The following SORBS2 variants were observed in gnomAD, a reference collection of about 807,000 sequenced individuals.
The protein encoded by SORBS2 is sorbin and SH3 domain containing 2.
In SORBS2, 46 loss-of-function variants were observed where a neutral mutation model predicts 97.7. The observed-to-expected ratio is 0.47, with a 90% CI of 0.37 to 0.60. SORBS2 has a LOEUF of 0.60. Among genes scored for constraint, SORBS2 ranks in the 20% least tolerant of loss-of-function variants. The pLI, the probability that SORBS2 is intolerant of heterozygous loss-of-function variation, is 0.00. For missense variants in SORBS2, 1,316 were observed against 1,282.3 expected, an observed-to-expected ratio of 1.03 and a Z score of -0.40; for synonymous variants, 476 against 473.4, an observed-to-expected ratio of 1.01 and a Z score of -0.07.
intron 1 of SORBS2, among the ~76,000 whole-genome samples, chr4:185,824,339 TTTCTC>T (rs1307238660): frequency 1.3e-5 from 2 of 152,114 alleles, no homozygotes; most frequent in Admixed American, 6.5e-5. Flanking sequence ...TGTGTACAGA[TTTCTC>T]TTTTCTTATA....
chr4:185,743,932 C>T (rs962162480), intron 2 of SORBS2, among the ~76,000 whole-genome samples: 7 of 149,008 alleles, frequency 4.7e-5, no homozygotes, highest in Non-Finnish European at 7.4e-5. Context: ...CTTTCCTCCT[C>T]CTCCTCTTTC....
intron 2 of SORBS2, among the ~76,000 whole-genome samples, chr4:185,739,450 T>C (rs980663832): frequency 6.6e-6 from 1 of 152,232 alleles, no homozygotes; most frequent in African/African-American, 2.4e-5. Flanking sequence ...CATGTATTTG[T>C]TATTGATATT....
chr4:185,623,689 C>G lies in SORBS2; in HGVS notation c.1440G>C (p.Leu480=). Residue 480 remains leucine (L), a synonymous_variant, in exon 7 of 15, where the codon CTG becomes CTC. Transcript: ENST00000418609. The surrounding 1 kb of genome is among the most constrained non-coding windows in gnomAD (Gnocchi z 6.4). Reference sequence around the variant, plus strand: ...TGGTGACTTCAATGTGAATGGGCACCAGGGCGTTAGACTGGCAGCCTCGCC... The same window carrying G: ...TGGTGACTTCAATGTGAATGGGCACGAGGGCGTTAGACTGGCAGCCTCGCC... 4 of 1,614,010 alleles carry G rather than the reference C, an allele frequency of 2.5e-6. No homozygotes were observed. The highest frequency in any genetic ancestry group is 3.4e-6 in the Non-Finnish European group (4 of 1,180,012).
chr4:185,831,284 C>A (rs778815210), intron 1 of SORBS2, among the ~76,000 whole-genome samples: 1 of 152,112 alleles, frequency 6.6e-6, no homozygotes, highest in African/African-American at 2.4e-5. Context: ...AGAAGAAGAG[C>A]GGGTAGGTGG....
At chr4:185,719,766 T>A (rs1290812154) in intron 2 of SORBS2, among the ~76,000 whole-genome samples, 1 of 152,244 alleles carries the variant, frequency 6.6e-6, no homozygotes, top group Non-Finnish European at 1.5e-5. Context: ...TAGGAATTCT[T>A]CTTGCCTGTA....
intron 1 of SORBS2, among the ~76,000 whole-genome samples, chr4:185,893,798 C>T (rs944932987): frequency 2.3e-4 from 35 of 152,118 alleles, no homozygotes; most frequent in African/African-American, 7.5e-4. Flanking sequence ...GGTGAGCAAA[C>T]GGTGTCTTGT....
intron 2 of SORBS2, among the ~76,000 whole-genome samples, chr4:185,768,449 T>G (rs1292082011): frequency 6.6e-6 from 1 of 152,106 alleles, no homozygotes; most frequent in Non-Finnish European, 1.5e-5. Flanking sequence ...CCCAGCATCT[T>G]GGAAGGCCGA....
intron 1 of SORBS2, among the ~76,000 whole-genome samples, chr4:185,841,193 T>C (rs1328315683): frequency 6.6e-6 from 1 of 151,798 alleles, no homozygotes; most frequent in Non-Finnish European, 1.5e-5. Context: ...CATTGATGAC[T>C]CTAAGCTGGG....
At position 185,623,349 on chromosome 4, in the gene SORBS2, T is replaced by C. The variant is rs2096749610; in HGVS notation, c.1780A>G (p.Met594Val). The C allele has an allele frequency of 6.2e-7, 1 of 1,613,930 alleles. No homozygotes were observed. The highest frequency in any genetic ancestry group is 8.5e-7 in the Non-Finnish European group (1 of 1,180,022). ...GCAAGTTTAGAAAGGCCAGGGTCCA[T>C]TTCTTGCCTTCTGGGCTCCTCGGTG... is the stretch of plus-strand genomic sequence containing the variant. Residue 594 changes from methionine (M) to valine (V), a missense_variant, in exon 7 of 15, where the codon ATG becomes GTG. Physicochemically the swap from Met to Val is conservative, Grantham distance 21. Transcript: ENST00000418609. This position sits in a 1 kb window ranked among gnomAD's most constrained non-coding sequence, Gnocchi z 6.4.
At chr4:185,616,274 A>AG (rs1316425512) in intron 9 of SORBS2, among the ~76,000 whole-genome samples, 1 of 152,222 alleles carries the variant, frequency 6.6e-6, no homozygotes, top group Non-Finnish European at 1.5e-5. Flanking sequence ...TGATTAAAAG[A>AG]ATTAATCGAA....
At chr4:185,955,878 T>C (rs576328066) in intron 1 of SORBS2, among the ~76,000 whole-genome samples, 2 of 151,340 alleles carry the variant, frequency 1.3e-5, no homozygotes, top group African/African-American at 4.9e-5. Context: ...TTCCCCCAGG[T>C]CTCCTTAGTT....
chr4:185,928,013 C>A (rs1483514513), intron 1 of SORBS2, among the ~76,000 whole-genome samples: 2 of 152,180 alleles, frequency 1.3e-5, no homozygotes, highest in Admixed American at 1.3e-4. Flanking sequence ...GGCCTCCTGT[C>A]CATTTTTTCC....
At chr4:185,788,916 G>A (rs771510989) in intron 1 of SORBS2, among the ~76,000 whole-genome samples, 17 of 152,100 alleles carry the variant, frequency 1.1e-4, no homozygotes, top group African/African-American at 1.9e-4. Flanking sequence ...ACACACCTTC[G>A]AGACTCCAAA....
intron 1 of SORBS2, among the ~76,000 whole-genome samples, chr4:185,904,971 G>A (rs2099249886): frequency 6.6e-6 from 1 of 152,186 alleles, no homozygotes; most frequent in Admixed American, 6.5e-5. Context: ...AGGCGTGGTG[G>A]CGCATGCCTA....
Position 185,710,507 on chromosome 4 carries a change from C to T in SORBS2, c.-197-31685G>A, listed in dbSNP as rs993795119. 7.2e-5 allele frequency among the ~76,000 whole-genome samples: 11 copies of T among 152,234 alleles called. 1 individual carries two copies. ...TCTTAGGATTTATATTAGATCCACA[C>T]TCCCCCCCAAATTTTGAAGATGGAA... is the stretch of plus-strand genomic sequence containing the variant. On this transcript the variant is annotated intron_variant, in intron 2 of 20. Coordinates refer to the SORBS2 transcript ENST00000284776.
chr4:185,717,400 C>T (rs1380806429), intron 2 of SORBS2, among the ~76,000 whole-genome samples: 1 of 152,242 alleles, frequency 6.6e-6, no homozygotes, highest in Non-Finnish European at 1.5e-5. Flanking sequence ...ATCTCTGTAG[C>T]AGAAACATGG....
intron 1 of SORBS2, among the ~76,000 whole-genome samples, chr4:185,850,928 C>T (rs1353314039): frequency 2.0e-5 from 3 of 152,128 alleles, no homozygotes; most frequent in Non-Finnish European, 2.9e-5. Flanking sequence ...AATTCACTCC[C>T]TCTCAGGTTG....
At chr4:185,712,163 C>T (rs2098425688) in intron 2 of SORBS2, among the ~76,000 whole-genome samples, 1 of 152,118 alleles carries the variant, frequency 6.6e-6, no homozygotes, top group South Asian at 2.1e-4. Flanking sequence ...TGTTGCCTTT[C>T]CTAAACTACC....
chr4:185,821,955 T>G (rs2099197042), intron 1 of SORBS2, among the ~76,000 whole-genome samples: 1 of 152,184 alleles, frequency 6.6e-6, no homozygotes, highest in Non-Finnish European at 1.5e-5. Context: ...GAAGGACCCA[T>G]AAATTATAAG....
Sources: gnomAD v4.1 joint callset for allele counts (sites outside exome capture counted in the v4.1 genomes callset) on GRCh38, gnomAD v4.1.1 for gene constraint, Gnocchi (gnomAD v3.1) non-coding constraint, MANE v1.5 for transcripts, NCBI Gene and HGNC (gene_info 2026-07-23, HGNC 2026-07-21) for gene names.